Variants in NOVA1 observed in about 807,000 individuals in gnomAD.
NOVA1 encodes RNA-binding protein Nova-1.
NOVA1 carries 7 observed loss-of-function variants against 38.0 expected under a neutral mutation model. The observed-to-expected ratio is 0.18, with a 90% CI of 0.10 to 0.35. The LOEUF is 0.35. Among genes scored for constraint, NOVA1 ranks in the 10% least tolerant of loss-of-function variants. The pLI is 1.00. For synonymous variants in NOVA1, 270 were observed against 232.5 expected (o/e 1.16, Z -1.47); for missense variants, 460 against 616.0 (o/e 0.75, Z 2.68).
chr14:26,462,247 T>A (rs1214461983), intron 4 of NOVA1, among the ~76,000 whole-genome samples: 1 of 152,122 alleles, frequency 6.6e-6, no homozygotes. Context: ...CACCAACTAT[T>A]CTCAATGCTG....
At chr14:26,521,012 C>A in intron 2 of NOVA1, among the ~76,000 whole-genome samples, 1 of 151,946 alleles carries the variant, frequency 6.6e-6, no homozygotes, top group East Asian at 1.9e-4. Context: ...ACACCAAAGT[C>A]TAACATCAGA....
At chr14:26,576,572 T>C (rs2017442) in intron 2 of NOVA1, among the ~76,000 whole-genome samples, 88,125 of 151,690 alleles carry the variant, frequency 0.58, 30,777 homozygotes, top group Non-Finnish European at 0.75. Flanking sequence ...TGGTTCAATA[T>C]ATATTTATCA....
intron 4 of NOVA1, among the ~76,000 whole-genome samples, chr14:26,469,873 T>C (rs1884445584): frequency 6.6e-6 from 1 of 152,158 alleles, no homozygotes. Context: ...AGTGTTGAAA[T>C]TACAGGTGTG....
At chr14:26,569,484 C>A (rs948934241) in intron 2 of NOVA1, among the ~76,000 whole-genome samples, 4 of 152,088 alleles carry the variant, frequency 2.6e-5, no homozygotes, top group Admixed American at 1.3e-4. Context: ...GGCAACAAAC[C>A]AGACCATTAA....
chr14:26,494,131 C>A (rs545922758), intron 2 of NOVA1, among the ~76,000 whole-genome samples: 2 of 152,306 alleles, frequency 1.3e-5, no homozygotes, highest in South Asian at 4.1e-4. Context: ...AATTCTGTAT[C>A]CTTCCCTGTC....
chr14:26,451,213 G>GT (rs1882644113), intron 4 of NOVA1, among the ~76,000 whole-genome samples: 1 of 151,802 alleles, frequency 6.6e-6, no homozygotes, highest in South Asian at 2.1e-4. Context: ...TTTTTTCACA[G>GT]TTTTTTTCTT....
At chr14:26,513,697 CAG>C (rs1274512827) in intron 2 of NOVA1, among the ~76,000 whole-genome samples, 2 of 135,212 alleles carry the variant, frequency 1.5e-5, no homozygotes, top group Non-Finnish European at 1.5e-5. Context: ...AATAAAAAAA[CAG>C]ATAAAAATAC....
intron 3 of NOVA1, among the ~76,000 whole-genome samples, chr14:26,478,481 G>C (rs1387493857): frequency 6.6e-6 from 1 of 151,892 alleles, no homozygotes; most frequent in Non-Finnish European, 1.5e-5. Context: ...AAGGCAGAAA[G>C]CCAATAGACC....
intron 4 of NOVA1, among the ~76,000 whole-genome samples, chr14:26,460,723 T>C (rs890006672): frequency 6.6e-6 from 1 of 152,070 alleles, no homozygotes; most frequent in African/African-American, 2.4e-5. Flanking sequence ...AAACACTTTT[T>C]TTAATTCCAA....
chr14:26,502,968 CAAGG>C (rs1887351280), intron 2 of NOVA1, among the ~76,000 whole-genome samples: 1 of 151,988 alleles, frequency 6.6e-6, no homozygotes, highest in African/African-American at 2.4e-5. Flanking sequence ...GAGGATCAAT[CAAGG>C]ATCATAAATC....
chr14:26,472,938 T>C (rs1439294678), intron 3 of NOVA1, among the ~76,000 whole-genome samples: 1 of 152,028 alleles, frequency 6.6e-6, no homozygotes, highest in African/African-American at 2.4e-5. Context: ...AAGTTCTGAG[T>C]TCTTAATATC....
chr14:26,585,549 G>T (rs911241759), intron 2 of NOVA1, among the ~76,000 whole-genome samples: 8 of 151,224 alleles, frequency 5.3e-5, no homozygotes, highest in Non-Finnish European at 1.2e-4. Context: ...TAGTACTCAA[G>T]AAAAATCATG....
chr14:26,571,278 A>C (rs913707248), intron 2 of NOVA1, among the ~76,000 whole-genome samples: 5 of 152,152 alleles, frequency 3.3e-5, no homozygotes, highest in African/African-American at 1.2e-4. Flanking sequence ...AATTGAGGCC[A>C]GCCAGTCTCT....
rs189796499 is a variant in NOVA1, at chr14:26,477,495, T to G, written c.447+2482A>C. ...ACCTGAGAGACCAGCAGGCACTACT[T>G]TCCCAAGAAATTATACTTGTCTGAG... On this transcript the variant is annotated intron_variant, in intron 3 of 4. Coordinates refer to ENST00000539517, the MANE Select transcript of NOVA1 (RefSeq NM_002515.3). Among the ~76,000 whole-genome samples, 40 of 152,234 alleles carry G rather than the reference T, an allele frequency of 2.6e-4. 1 individual carries two copies. In the East Asian group the frequency reaches 7.1e-3, roughly 27 times the overall value.
At position 26,573,288 on chromosome 14, in the gene NOVA1, T is replaced by TA. The variant is rs150286137; in HGVS notation, c.280+22121dup. 3.8e-3 allele frequency among the ~76,000 whole-genome samples: 581 copies of TA among 152,080 alleles called. 2 individuals are homozygous for TA. Among genetic ancestry groups the TA allele is most frequent in the African/African-American group, 0.013 (551 of 41,510 alleles). On this transcript the variant is annotated intron_variant, in intron 2 of 4. Transcript: ENST00000539517. The stretch of plus-strand genomic sequence containing the variant: ...CAGTTAATTAAGCAACTAATAAAGA[T>TA]ACCATGAACTCTGAAAGAGTTGGAT...
chr14:26,490,637 T>C (rs1886261470), intron 2 of NOVA1, among the ~76,000 whole-genome samples: 1 of 152,296 alleles, frequency 6.6e-6, no homozygotes, highest in African/African-American at 2.4e-5. Flanking sequence ...ATATTTTCTT[T>C]AGAGAAATAT....
In NOVA1 at chr14:26,476,398, G is replaced by C. The variant is rs1438763259; in HGVS notation, c.447+3579C>G. ...ATGTTTGGCAAATCTGTATTCCATA[G>C]GATGTCCTTTGATTAGACATCCAAG... On this transcript the variant is annotated intron_variant, in intron 3 of 4. Coordinates refer to ENST00000539517, the MANE Select transcript of NOVA1 (RefSeq NM_002515.3). Among the ~76,000 whole-genome samples the C allele has an allele frequency of 2.6e-5, 4 of 152,104 alleles. 1 individual carries two copies. Among genetic ancestry groups the C allele is most frequent in the African/African-American group, 9.7e-5 (4 of 41,408 alleles).
chr14:26,490,036 C>T (rs1254447836), intron 2 of NOVA1, among the ~76,000 whole-genome samples: 2 of 152,070 alleles, frequency 1.3e-5, no homozygotes, highest in South Asian at 4.1e-4. Context: ...TTCCTATATC[C>T]CCCAGTTACC....
At chr14:26,509,919 A>G (rs1341434131) in intron 2 of NOVA1, among the ~76,000 whole-genome samples, 4 of 152,162 alleles carry the variant, frequency 2.6e-5, no homozygotes, top group Non-Finnish European at 5.9e-5. Context: ...ACCTCGGGTG[A>G]TATGCCCGCC....
Sources: gnomAD v4.1 joint callset for allele counts (sites outside exome capture counted in the v4.1 genomes callset) on GRCh38, gnomAD v4.1.1 for gene constraint, MANE v1.5 for transcripts, NCBI Gene and HGNC (gene_info 2026-07-23, HGNC 2026-07-21) for gene names.